Variants in PRKN observed in about 807,000 individuals in gnomAD.
PRKN encodes parkin RBR E3 ubiquitin protein ligase.
In PRKN, 56 loss-of-function variants were observed where a neutral mutation model predicts 59.5. The ratio of observed to expected loss-of-function variants is 0.94; its 90% confidence interval spans 0.76 to 1.18. The LOEUF is 1.18. Among genes scored for constraint, PRKN ranks in the 50% most tolerant of loss-of-function variants. The probability of loss-of-function intolerance (pLI) is 0.00; values close to 1 mark genes in which losing one functional copy is unlikely to be tolerated. For synonymous variants in PRKN, 250 were observed against 222.1 expected (o/e 1.13, Z -1.12); for missense variants, 657 against 596.4 (o/e 1.10, Z -1.06).
At chr6:161,812,064 T>C (rs1791586108) in intron 6 of PRKN, among the ~76,000 whole-genome samples, 1 of 151,862 alleles carries the variant, frequency 6.6e-6, no homozygotes, top group Admixed American at 6.6e-5. Flanking sequence ...AAAAAATCAA[T>C]ATATTGGACT....
intron 2 of PRKN, among the ~76,000 whole-genome samples, chr6:162,404,933 C>T (rs1347746728): frequency 6.6e-6 from 1 of 152,190 alleles, no homozygotes; most frequent in Non-Finnish European, 1.5e-5. Flanking sequence ...CCAACGCTTG[C>T]CTTCCTTCAT....
In PRKN at chr6:161,509,424, C is replaced by G. The variant is rs188971123; in HGVS notation, c.1083+39430G>C. 7.1e-3 allele frequency among the ~76,000 whole-genome samples: 1,087 copies of G among 152,158 alleles called. 7 individuals are homozygous for G. Among genetic ancestry groups the G allele is most frequent in the Non-Finnish European group, 0.012 (805 of 68,000 alleles). On this transcript the variant is annotated intron_variant, in intron 9 of 11. Transcript: ENST00000366898. ...GTAAGAAACTCAAGGCTTTTAGAGC[C>G]AGGGAGGAGCCTGGAGAATAGGGGG...
chr6:161,948,651 T>G (rs1277244525), intron 6 of PRKN, among the ~76,000 whole-genome samples: 2 of 152,120 alleles, frequency 1.3e-5, no homozygotes, highest in Non-Finnish European at 2.9e-5. Flanking sequence ...GTCAGCTGCA[T>G]GAAAAAATGC....
chr6:162,437,009 T>C (rs534993911), intron 2 of PRKN, among the ~76,000 whole-genome samples: 5 of 152,100 alleles, frequency 3.3e-5, no homozygotes, highest in Admixed American at 3.3e-4. Context: ...GGAGAATCGC[T>C]TGAACCCGGG....
Position 161,461,084 on chromosome 6 carries a change from ACTGTCTATTAACCC to A in PRKN, c.1084-74221_1084-74208del, listed in dbSNP as rs1489752484. Reference sequence around the variant, plus strand: ...AGAGTCATCTTTATCATAAGTACTTACTGTCTATTAACCCCATAAACATTCCACCTGCATCAGTT... The same window carrying A: ...AGAGTCATCTTTATCATAAGTACTTACATAAACATTCCACCTGCATCAGTT... On this transcript the variant is annotated intron_variant, in intron 9 of 11. Coordinates refer to ENST00000366898, the MANE Select transcript of PRKN (RefSeq NM_004562.3). This position sits in a 1 kb window ranked among gnomAD's most constrained non-coding sequence, Gnocchi z 5.1. Among the ~76,000 whole-genome samples the A allele has an allele frequency of 2.6e-5, 4 of 152,102 alleles. No homozygotes were observed. The highest frequency in any genetic ancestry group is 9.7e-5 in the African/African-American group (4 of 41,428).
At chr6:161,617,306 C>T (rs1178127434) in intron 7 of PRKN, among the ~76,000 whole-genome samples, 2 of 152,114 alleles carry the variant, frequency 1.3e-5, no homozygotes, top group African/African-American at 4.8e-5. Flanking sequence ...TTGATAGTAG[C>T]CCTTTGTCAG....
rs562112717 is a variant in PRKN, at chr6:161,444,113, G to A, written c.1084-57236C>T. ...TGAGCTCTGGAGCTTCTGGCTCCTGGACTGGGGGACTGGGAATCGGCCAGG... is the reference window on the plus strand; with the variant it reads ...TGAGCTCTGGAGCTTCTGGCTCCTGAACTGGGGGACTGGGAATCGGCCAGG... On this transcript the variant is annotated intron_variant, in intron 9 of 11. Transcript: ENST00000366898. The surrounding 1 kb of genome is among the most constrained non-coding windows in gnomAD (Gnocchi z 5.6). 6.6e-6 allele frequency among the ~76,000 whole-genome samples: 1 copy of A among 152,308 alleles called. No homozygotes were observed. The highest frequency in any genetic ancestry group is 2.4e-5 in the African/African-American group (1 of 41,568).
chr6:162,664,019 T>A (rs1482115425), intron 1 of PRKN, among the ~76,000 whole-genome samples: 1 of 152,020 alleles, frequency 6.6e-6, no homozygotes, highest in Non-Finnish European at 1.5e-5. Flanking sequence ...GCTGCACCTA[T>A]TGACCTGTCC....
intron 7 of PRKN, among the ~76,000 whole-genome samples, chr6:161,722,287 C>A (rs1049137286): frequency 1.3e-5 from 2 of 152,112 alleles, no homozygotes; most frequent in Non-Finnish European, 2.9e-5. Flanking sequence ...TTGATTTTTA[C>A]GTAACTGGAT....
chr6:161,745,711 G>A (rs898854245), intron 7 of PRKN, among the ~76,000 whole-genome samples: 16 of 152,202 alleles, frequency 1.1e-4, no homozygotes, highest in South Asian at 4.1e-4. Context: ...GAGACCCTGG[G>A]AAGGCAGACG....
At position 162,407,942 on chromosome 6, in the gene PRKN, T is replaced by TA. The variant is rs201914218; in HGVS notation, c.171+35367dup. Among the ~76,000 whole-genome samples, 945 of 145,870 alleles carry TA rather than the reference T, an allele frequency of 6.5e-3. 4 individuals are homozygous for TA. Among genetic ancestry groups the TA allele is most frequent in the African/African-American group, 0.016 (643 of 40,032 alleles). On this transcript the variant is annotated intron_variant, in intron 2 of 11. Coordinates refer to ENST00000366898, the MANE Select transcript of PRKN (RefSeq NM_004562.3). ...CATTTTAAAGTTTGGGTTCCTAATT[T>TA]AAAAAAAAAAAGTGATAAAATCAGA...
intron 1 of PRKN, among the ~76,000 whole-genome samples, chr6:162,657,455 T>C (rs55798877): frequency 6.6e-6 from 1 of 151,974 alleles, no homozygotes; most frequent in Non-Finnish European, 1.5e-5. Context: ...ATATGTGTTT[T>C]ATTACATTCA....
In PRKN at chr6:161,459,356, GT is replaced by G. The variant is rs1292452793; in HGVS notation, c.1084-72480del. On this transcript the variant is annotated intron_variant, in intron 9 of 11. Coordinates refer to ENST00000366898, the MANE Select transcript of PRKN (RefSeq NM_004562.3). The surrounding 1 kb of genome is among the most constrained non-coding windows in gnomAD (Gnocchi z 4.8). Reference sequence around the variant, plus strand: ...AAGTGACTATTAATTCCAGAATATGGTGTGAATTAAGTAATTCATTTGGTTT... The same window carrying G: ...AAGTGACTATTAATTCCAGAATATGGGTGAATTAAGTAATTCATTTGGTTT... Among the ~76,000 whole-genome samples the G allele has an allele frequency of 2.0e-5, 3 of 152,188 alleles. No homozygotes were observed. Among genetic ancestry groups the G allele is most frequent in the Non-Finnish European group, 4.4e-5 (3 of 68,040 alleles).
intron 6 of PRKN, among the ~76,000 whole-genome samples, chr6:161,902,389 A>G (rs532845130): frequency 6.6e-6 from 1 of 152,282 alleles, no homozygotes; most frequent in East Asian, 1.9e-4. Context: ...TGATTCAATA[A>G]GAAGTCTAAC....
chr6:161,469,015 C>T (rs1463929191), intron 9 of PRKN, among the ~76,000 whole-genome samples: 1 of 152,174 alleles, frequency 6.6e-6, no homozygotes, highest in African/African-American at 2.4e-5. Flanking sequence ...CTAATGACTC[C>T]CCACCAAAAT....
chr6:161,433,787 C>A (rs1191168703), intron 9 of PRKN, among the ~76,000 whole-genome samples: 1 of 151,928 alleles, frequency 6.6e-6, no homozygotes, highest in Admixed American at 6.6e-5. Context: ...GAGGCCGAGG[C>A]AAGCAGATCA....
intron 7 of PRKN, among the ~76,000 whole-genome samples, chr6:161,680,140 A>G (rs1304651883): frequency 6.6e-6 from 1 of 152,090 alleles, no homozygotes; most frequent in African/African-American, 2.4e-5. Flanking sequence ...GTGCTATTCT[A>G]AATAAACTTT....
At chr6:162,605,072 CA>C (rs1781856599) in intron 1 of PRKN, among the ~76,000 whole-genome samples, 1 of 152,082 alleles carries the variant, frequency 6.6e-6, no homozygotes, top group East Asian at 1.9e-4. Context: ...TATCACTTGC[CA>C]AAAGTGATCT....
intron 9 of PRKN, among the ~76,000 whole-genome samples, chr6:161,492,299 A>G (rs1672885715): frequency 6.6e-6 from 1 of 152,228 alleles, no homozygotes; most frequent in Non-Finnish European, 1.5e-5. Flanking sequence ...GTCTCCTGGT[A>G]GGACAAGACC....
Sources: gnomAD v4.1 joint callset for allele counts (sites outside exome capture counted in the v4.1 genomes callset) on GRCh38, gnomAD v4.1.1 for gene constraint, Gnocchi (gnomAD v3.1) non-coding constraint, MANE v1.5 for transcripts, NCBI Gene and HGNC (gene_info 2026-07-23, HGNC 2026-07-21) for gene names.